TNIP3: variants seen among roughly 807,000 people sequenced by gnomAD.
TNIP3 encodes the protein TNFAIP3 interacting protein 3, also known as TNFAIP3-interacting protein 3.
A neutral mutation model predicts 54.1 loss-of-function variants in TNIP3; 34 were observed. That is an observed-to-expected ratio of 0.63 (90% CI 0.48 to 0.84). TNIP3 has a LOEUF of 0.84. Ranked by LOEUF, TNIP3 falls within the 40% of genes least tolerant of loss-of-function variation. The pLI is 0.00. For missense variants in TNIP3, 366 were observed against 387.6 expected, an observed-to-expected ratio of 0.94 and a Z score of 0.47; for synonymous variants, 134 against 136.8, an observed-to-expected ratio of 0.98 and a Z score of 0.14.
rs1176600406 is a variant in TNIP3, at chr4:121,164,196, T to A, written c.-71A>T. ...GGGAAAAGTCTCTTAAGGTATATTT[T>A]AGGGTGAGAGCAAGTATACAAAATT... On this transcript the variant is annotated 5_prime_UTR_variant, in exon 1 of 11. Transcript: ENST00000057513. 6.2e-7 allele frequency: 1 copy of A among 1,608,982 alleles called. No homozygotes were observed.
intron 10 of TNIP3, among the ~76,000 whole-genome samples, chr4:121,135,038 G>A (rs1728698857): frequency 6.6e-6 from 1 of 152,188 alleles, no homozygotes; most frequent in Admixed American, 6.5e-5. Context: ...CTTCAAGTCT[G>A]CACTCAAGAG....
At chr4:121,157,669 T>C (rs1390664573) in intron 3 of TNIP3, among the ~76,000 whole-genome samples, 1 of 152,166 alleles carries the variant, frequency 6.6e-6, no homozygotes, top group Non-Finnish European at 1.5e-5. Context: ...AATTTATCAG[T>C]AATTTGCAGC....
At chr4:121,157,043 C>G (rs1160243367) in intron 4 of TNIP3, 51 bp downstream of exon 4, 1 of 1,608,322 alleles carries the variant, frequency 6.2e-7, no homozygotes, top group Admixed American at 1.7e-5. Flanking sequence ...TCCCCCCGCC[C>G]CTTTGCTTTT....
chr4:121,150,289 A>G, intron 5 of TNIP3, 70 bp from the exon 6 acceptor site: 4 of 962,086 alleles, frequency 4.2e-6, no homozygotes, highest in East Asian at 2.6e-5. Context: ...TATAATTGTT[A>G]CAATCATCTC....
upstream of TNIP3, chr4:121,216,716 G>A (rs1244551114): frequency 1.3e-5 from 14 of 1,057,262 alleles, no homozygotes; most frequent in South Asian, 7.0e-5. Flanking sequence ...ACCACTGGGT[G>A]TAAACACAGG....
chr4:121,176,526 G>T (rs1373585677), intron 3 of TNIP3, among the ~76,000 whole-genome samples: 1 of 145,130 alleles, frequency 6.9e-6, no homozygotes, highest in Non-Finnish European at 1.5e-5. Flanking sequence ...TGATGATGAT[G>T]ATGATGATGA....
chr4:121,154,501 T>A (rs1420325394), intron 5 of TNIP3, 50 bp downstream of exon 5: 22 of 1,607,056 alleles, frequency 1.4e-5, no homozygotes, highest in Non-Finnish European at 1.9e-5. Flanking sequence ...TAAGAATGTT[T>A]TATGCAGGGA....
At chr4:121,165,804 G>C (rs558088446), upstream of TNIP3, among the ~76,000 whole-genome samples, 35 of 152,032 alleles carry the variant, frequency 2.3e-4, no homozygotes, top group Non-Finnish European at 7.4e-5. Flanking sequence ...TGTTCATTCA[G>C]GGTTCTGAAA....
At chr4:121,207,343 A>T (rs1266046217) in intron 2 of TNIP3, among the ~76,000 whole-genome samples, 1 of 152,232 alleles carries the variant, frequency 6.6e-6, no homozygotes, top group South Asian at 2.1e-4. Flanking sequence ...AAAAAGAGCA[A>T]CTAACAAGTC....
intron 2 of TNIP3, among the ~76,000 whole-genome samples, chr4:121,209,481 G>A (rs1425506811): frequency 6.6e-6 from 1 of 152,068 alleles, no homozygotes; most frequent in Non-Finnish European, 1.5e-5. Flanking sequence ...GGAGAGTTGT[G>A]GGAAAAAAAC....
chr4:121,209,762 T>C (rs992586907), intron 2 of TNIP3, among the ~76,000 whole-genome samples: 1 of 152,234 alleles, frequency 6.6e-6, no homozygotes, highest in Admixed American at 6.5e-5. Flanking sequence ...TATTATTTTA[T>C]TGATGTTTTA....
intron 3 of TNIP3, 61 bp from the exon 4 acceptor site, chr4:121,157,304 T>C: frequency 6.2e-7 from 1 of 1,609,120 alleles, no homozygotes. Context: ...AGCCCCTGGA[T>C]TTATTCCCAG....
intron 5 of TNIP3, among the ~76,000 whole-genome samples, chr4:121,153,056 G>A (rs1729856446): frequency 6.6e-6 from 1 of 152,088 alleles, no homozygotes; most frequent in South Asian, 2.1e-4. Flanking sequence ...TTTTAATTAG[G>A]ACAGCCAGAA....
In TNIP3 at chr4:121,157,128, C is replaced by A. The variant is rs1221262584; in HGVS notation, c.329G>T (p.Arg110Leu). The A allele has an allele frequency of 1.9e-6, 3 of 1,614,096 alleles. No individual in the cohort carries two copies. The Admixed American group carries it at 5.0e-5, about 27-fold the overall frequency. Residue 110 changes from arginine (R) to leucine (L), a missense_variant, in exon 4 of 11, where the codon CGC becomes CTC. Physicochemically the swap from Arg to Leu is moderately radical, Grantham distance 102. Transcript: ENST00000057513. ...DDRQREDDRQ[R>L]DLTRDRLQRE... ...CTGCAGCCGGTCCCGGGTCAGGTCGCGCTGCCTGTCGTCCTCTCTCTGCCT... is the reference window on the plus strand; with the variant it reads ...CTGCAGCCGGTCCCGGGTCAGGTCGAGCTGCCTGTCGTCCTCTCTCTGCCT...
At chr4:121,135,379 T>G (rs1316107529) in intron 10 of TNIP3, among the ~76,000 whole-genome samples, 1 of 152,102 alleles carries the variant, frequency 6.6e-6, no homozygotes, top group Admixed American at 6.6e-5. Flanking sequence ...TGCATGAAGT[T>G]ACTTCTTCTT....
At chr4:121,209,007 T>C (rs1340844895) in intron 2 of TNIP3, among the ~76,000 whole-genome samples, 2 of 152,156 alleles carry the variant, frequency 1.3e-5, no homozygotes, top group Non-Finnish European at 2.9e-5. Flanking sequence ...AGCTGGACAT[T>C]GGGATGTAAA....
chr4:121,140,566 T>C (rs1159701106), intron 9 of TNIP3, among the ~76,000 whole-genome samples: 1 of 152,214 alleles, frequency 6.6e-6, no homozygotes, highest in African/African-American at 2.4e-5. Flanking sequence ...TAAATGTGAA[T>C]GACTGATTGG....
intron 3 of TNIP3, among the ~76,000 whole-genome samples, chr4:121,169,873 G>A (rs1194011850): frequency 2.6e-5 from 4 of 152,324 alleles, no homozygotes; most frequent in Middle Eastern, 6.8e-3. Context: ...ATGCGATATA[G>A]CGAGGTTGTT....
intron 2 of TNIP3, among the ~76,000 whole-genome samples, chr4:121,198,254 G>T (rs949488069): frequency 6.6e-6 from 1 of 151,760 alleles, no homozygotes; most frequent in African/African-American, 2.4e-5. Context: ...CAGAGAAAAT[G>T]CACAAATTTA....
Sources: gnomAD v4.1 joint callset for allele counts (sites outside exome capture counted in the v4.1 genomes callset) on GRCh38, gnomAD v4.1.1 for gene constraint, MANE v1.5 for transcripts, NCBI Gene and HGNC (gene_info 2026-07-23, HGNC 2026-07-21) for gene names.